Variants in MUS81 observed in about 807,000 individuals in gnomAD.
MUS81 encodes MUS81 structure-specific endonuclease subunit.
Under a neutral mutation model 74.2 loss-of-function variants are expected in MUS81, and 69 were observed. That is an observed-to-expected ratio of 0.93 (90% CI 0.77 to 1.14). MUS81 has a LOEUF of 1.14. Among genes scored for constraint, MUS81 ranks in the 50% most tolerant of loss-of-function variants. The pLI is 0.00. For missense variants in MUS81, 711 were observed against 726.5 expected (o/e 0.98, Z 0.25); for synonymous variants, 303 against 300.6 (o/e 1.01, Z -0.08).
chr11:65,867,650 C>T, downstream of MUS81: 1 of 627,586 alleles, frequency 1.6e-6, no homozygotes, highest in Non-Finnish European at 2.8e-6. Flanking sequence ...TACCAGGACT[C>T]AAACTCCCGT....
upstream of MUS81, chr11:65,860,369 G>A: frequency 2.1e-6 from 1 of 475,374 alleles, no homozygotes; most frequent in South Asian, 1.6e-5. Flanking sequence ...AGTCCTCCCC[G>A]TCACAGGGGG....
rs1198789024 is a variant in MUS81 at position 65,863,897 on chromosome 11, A to C, written c.1055A>C (p.Gln352Pro). The change falls in exon 10 of 16, where the codon CAG (glutamine) becomes CCG (proline). Residue 352 changes from glutamine to proline, a missense_variant. Gln to Pro is a moderately conservative substitution (Grantham distance 76). Coordinates refer to ENST00000308110, the MANE Select transcript of MUS81 (RefSeq NM_025128.5). ...SSIIDGRFRE[Q>P]KFRLKRCGLE... Reference sequence around the variant, plus strand: ...ATCATCGACGGCCGCTTCCGGGAGCAGAAGGTAATTTTGCTGGCTTTGCCA... The same window carrying C: ...ATCATCGACGGCCGCTTCCGGGAGCCGAAGGTAATTTTGCTGGCTTTGCCA... 74 of 1,614,004 alleles carry C rather than the reference A, an allele frequency of 4.6e-5. No individual in the cohort carries two copies. The highest frequency in any genetic ancestry group is 5.8e-5 in the Non-Finnish European group (68 of 1,180,016).
chr11:65,866,115 TAAC>T lies in MUS81; in HGVS notation c.*68_*70del, dbSNP rs1167770569. The stretch of plus-strand genomic sequence containing the variant: ...CCCCAACCCAGGCTAGCCAGCCTTT[TAAC>T]AACATCTTTTGGGGTACAATTAGAA... On this transcript the variant is annotated 3_prime_UTR_variant, in exon 16 of 16. Coordinates refer to ENST00000308110, the MANE Select transcript of MUS81 (RefSeq NM_025128.5). The T allele has an allele frequency of 2.2e-5, 32 of 1,473,434 alleles. No homozygotes were observed. Among genetic ancestry groups the T allele is most frequent in the Non-Finnish European group, 2.8e-5 (30 of 1,073,394 alleles). 91.3% of individuals were successfully genotyped at this position (1,473,434 alleles called of 1,614,324 possible).
Position 65,865,202 on chromosome 11 carries a change from G to A in MUS81, c.1402-18G>A. On this transcript the variant is annotated intron_variant, in intron 13 of 15. Coordinates refer to ENST00000308110, the MANE Select transcript of MUS81 (RefSeq NM_025128.5). ...CCTGGCCCAGACCCCCACTGATCCA[G>A]CCCTTTCCCGAACCCAGGCCCAGTC... The A allele has an allele frequency of 6.2e-7, 1 of 1,614,142 alleles. No individual in the cohort carries two copies. Among genetic ancestry groups the A allele is most frequent in the Non-Finnish European group, 8.5e-7 (1 of 1,179,994 alleles).
downstream of MUS81, chr11:65,867,376 T>C (rs919652642): frequency 1.9e-6 from 1 of 516,604 alleles, no homozygotes. Context: ...GTGGGACCTT[T>C]GGTGACCCAA....
intron 14 of MUS81, 165 bp downstream of exon 14, chr11:65,865,488 C>T: frequency 4.1e-6 from 3 of 730,756 alleles, no homozygotes; most frequent in Non-Finnish European, 6.6e-6. Flanking sequence ...AGGAAGCCAG[C>T]AGGCCCACAT....
chr11:65,860,018 G>A, upstream of MUS81: 1 of 265,202 alleles, frequency 3.8e-6, no homozygotes. Context: ...TCTGACCCCC[G>A]ACATTCCGAG....
Position 65,866,171 on chromosome 11 carries a change from T to C in MUS81, c.*119T>C, listed in dbSNP as rs746331262. 80 of 952,476 alleles carry C rather than the reference T, an allele frequency of 8.4e-5. No homozygotes were observed. Among genetic ancestry groups the C allele is most frequent in the Non-Finnish European group, 1.1e-4 (72 of 641,652 alleles). The allele number at this position is 952,476 out of a possible 1,614,324, so 59.0% of individuals were successfully genotyped here. A position where few individuals can be genotyped will look rare whatever the true frequency, so the allele number is the denominator to read the frequency against. On this transcript the variant is annotated 3_prime_UTR_variant, in exon 16 of 16. Coordinates refer to ENST00000308110, the MANE Select transcript of MUS81 (RefSeq NM_025128.5). ...TAAGTGTTTGCAGCCATATGTGTCA[T>C]GTAGAAGATGCCTAGCCCTGGGGAC...
rs763877950 is a variant in MUS81, at chr11:65,863,581, TC to T, written c.840-16del. On this transcript the variant is annotated intron_variant, in intron 8 of 15. Transcript: ENST00000308110. The stretch of plus-strand genomic sequence containing the variant: ...GCACTGCCCTGCTCTGATCTAGGCT[TC>T]CCTCCTTGCCACTCCAGGGGCGGGC... The T allele has an allele frequency of 8.7e-6, 14 of 1,613,740 alleles. No homozygotes were observed. The highest frequency in any genetic ancestry group is 1.3e-5 in the African/African-American group (1 of 74,840).
At chr11:65,866,656 G>A (rs1859847803), downstream of MUS81, 21 of 703,768 alleles carry the variant, frequency 3.0e-5, no homozygotes, top group East Asian at 5.6e-4. Flanking sequence ...CTCCTCTCGG[G>A]GTGACTGAAG....
At chr11:65,864,428 ACAT>A in intron 10 of MUS81, 66 bp from the exon 11 acceptor site, 2 of 1,373,506 alleles carry the variant, frequency 1.5e-6, no homozygotes, top group Non-Finnish European at 2.1e-6. Flanking sequence ...TTTGAGTGTG[ACAT>A]CATGGATGCC....
intron 3 of MUS81, 76 bp from the exon 4 acceptor site, chr11:65,861,871 G>A: frequency 8.5e-7 from 1 of 1,182,560 alleles, no homozygotes; most frequent in Non-Finnish European, 1.2e-6. Flanking sequence ...CTTACCCAGG[G>A]CCACAAAGCC....
At chr11:65,867,643 C>G, downstream of MUS81, 1 of 616,964 alleles carries the variant, frequency 1.6e-6, no homozygotes, top group Admixed American at 2.5e-5. Context: ...AAACCAGTAC[C>G]AGGACTCAAA....
At position 65,865,840 on chromosome 11, in the gene MUS81, C is replaced by A. The variant is rs966811469; in HGVS notation, c.1535C>A (p.Thr512Asn). 1 of 1,613,998 alleles carries A rather than the reference C, an allele frequency of 6.2e-7. No homozygotes were observed. The highest frequency in any genetic ancestry group is 8.5e-7 in the Non-Finnish European group (1 of 1,180,016). Reference sequence around the variant, plus strand: ...CTGGCCGCCTATGATGCCTGTGCCACCCCCAAGGAACAAGAGACACTGCTG... The same window carrying A: ...CTGGCCGCCTATGATGCCTGTGCCAACCCCAAGGAACAAGAGACACTGCTG... ...SLLAAYDACA[T>N]PKEQETLLST... Residue 512 changes from threonine (T) to asparagine (N), a missense_variant, in exon 15 of 16, where the codon ACC becomes AAC. By Grantham distance (65) the Thr-to-Asn change is moderately conservative. Coordinates refer to ENST00000308110, the MANE Select transcript of MUS81 (RefSeq NM_025128.5).
downstream of MUS81, chr11:65,866,494 G>T (rs1435621705): frequency 1.9e-5 from 13 of 702,596 alleles, no homozygotes; most frequent in African/African-American, 8.7e-5. Context: ...AACTACTAGG[G>T]CTTATCCAAA....
At position 65,864,486 on chromosome 11, in the gene MUS81, C is replaced by T. The variant is rs758615838; in HGVS notation, c.1060-11C>T. The T allele has an allele frequency of 2.5e-6, 4 of 1,611,058 alleles. No homozygotes were observed. In the Admixed American group the frequency reaches 6.7e-5, roughly 27 times the overall value. ...CCTGACCCTCCCTGTCCACTCTGTA[C>T]ACTTCCCTAGTTCCGGCTGAAGCGC... is the stretch of plus-strand genomic sequence containing the variant. On this transcript the variant is annotated splice_polypyrimidine_tract_variant and intron_variant, in intron 10 of 15. Transcript: ENST00000308110.
In MUS81 at chr11:65,860,827, T is replaced by C; in HGVS notation, c.74T>C (p.Leu25Pro). The C allele has an allele frequency of 6.4e-7, 1 of 1,551,072 alleles. No homozygotes were observed. Among genetic ancestry groups the C allele is most frequent in the Non-Finnish European group, 8.7e-7 (1 of 1,150,294 alleles). The stretch of plus-strand genomic sequence containing the variant: ...CCCAACCCGCTCTTCGTTCGCTGGC[T>C]GACCGAGTGGCGGGACGAGGCGACC... ...ACPNPLFVRW[L>P]TEWRDEATRS... Residue 25 changes from leucine (L) to proline (P), a missense_variant, in exon 1 of 16, where the codon CTG becomes CCG. By Grantham distance (98) the Leu-to-Pro change is moderately conservative (BLOSUM62 -3). Coordinates refer to ENST00000308110, the MANE Select transcript of MUS81 (RefSeq NM_025128.5).
chr11:65,865,639 C>A, intron 14 of MUS81, 172 bp from the exon 15 acceptor site: 1 of 714,398 alleles, frequency 1.4e-6, no homozygotes, highest in Non-Finnish European at 2.3e-6. Context: ...CCCAGAGTTC[C>A]CACAGGGAGG....
intron 10 of MUS81, 138 bp from the exon 11 acceptor site, chr11:65,864,359 G>A: frequency 1.4e-6 from 1 of 732,370 alleles, no homozygotes; most frequent in Admixed American, 2.1e-5. Flanking sequence ...CTGTGAGGCA[G>A]GTGGAGAGGC....
Sources: gnomAD v4.1 joint callset for allele counts on GRCh38, gnomAD v4.1.1 for gene constraint, MANE v1.5 for transcripts, NCBI Gene and HGNC (gene_info 2026-07-23, HGNC 2026-07-21) for gene names.